Variants in NPAS2 observed in about 807,000 individuals in gnomAD.
The protein encoded by NPAS2 is neuronal PAS domain protein 2.
A neutral mutation model predicts 107.5 loss-of-function variants in NPAS2; 23 were observed. The ratio of observed to expected loss-of-function variants is 0.21; its 90% CI spans 0.15 to 0.30. The LOEUF is 0.30. Among genes scored for constraint, NPAS2 ranks in the 10% least tolerant of loss-of-function variants. The probability of loss-of-function intolerance (pLI) is 1.00; values close to 1 mark genes in which losing one functional copy is unlikely to be tolerated. For synonymous variants in NPAS2, 403 were observed against 417.5 expected, an observed-to-expected ratio of 0.97 and a Z score of 0.42; for missense variants, 756 against 1,043.3, an observed-to-expected ratio of 0.72 and a Z score of 3.79.
intron 1 of NPAS2, among the ~76,000 whole-genome samples, chr2:100,853,674 C>T (rs1678362189): frequency 6.6e-6 from 1 of 152,164 alleles, no homozygotes. Flanking sequence ...TTCTGCTTCT[C>T]AAGGCAGGAT....
rs747918419 is a variant in NPAS2, at chr2:100,968,306, G to A, written c.933G>A (p.Ser311=). 1.7e-5 allele frequency: 27 copies of A among 1,614,104 alleles called. No individual in the cohort carries two copies. Among genetic ancestry groups the A allele is most frequent in the African/African-American group, 2.7e-5 (2 of 75,020 alleles). ...QHLMQFGKGK[S]CCYRFLTKGQ... is the part of the protein sequence containing the mutation. ...TGATGCAGTTTGGCAAAGGGAAGTC[G>A]TGTTGCTACCGGTTTCTGACCAAAG... The change falls in exon 11 of 21, where the codon TCG becomes TCA. Residue 311 remains serine, a synonymous_variant. Transcript: ENST00000335681. The surrounding 1 kb of genome is among the most constrained non-coding windows in gnomAD (Gnocchi z 5.3).
chr2:100,968,838 A>G lies in NPAS2; in HGVS notation c.1055+410A>G, dbSNP rs1454284215. On this transcript the variant is annotated intron_variant, in intron 11 of 20. Coordinates refer to ENST00000335681, the MANE Select transcript of NPAS2 (RefSeq NM_002518.4). This position sits in a 1 kb window ranked among gnomAD's most constrained non-coding sequence, Gnocchi z 5.3. ...TTACCTCTAAATAACTCAAACACATATTCCCCTTTATTTTTAATGCTTTAA... is the reference window on the plus strand; with the variant it reads ...TTACCTCTAAATAACTCAAACACATGTTCCCCTTTATTTTTAATGCTTTAA... Among the ~76,000 whole-genome samples, 1 of 152,176 alleles carries G rather than the reference A, an allele frequency of 6.6e-6. No homozygotes were observed. The highest frequency in any genetic ancestry group is 1.5e-5 in the Non-Finnish European group (1 of 68,028).
At chr2:100,883,312 G>C (rs1680493113) in intron 1 of NPAS2, among the ~76,000 whole-genome samples, 1 of 152,206 alleles carries the variant, frequency 6.6e-6, no homozygotes, top group African/African-American at 2.4e-5. Flanking sequence ...AACTGGGTCA[G>C]AGATGGTGCA....
chr2:100,970,810 T>C (rs1676495058), intron 11 of NPAS2, 180 bp from the exon 12 acceptor site: 2 of 489,570 alleles, frequency 4.1e-6, no homozygotes, highest in South Asian at 7.3e-5. Context: ...AGGTCGAATT[T>C]AAGGCAGAGA....
chr2:100,982,125 G>A lies in NPAS2; in HGVS notation c.1483-106G>A, dbSNP rs143917121. The A allele has an allele frequency of 2.2e-4, 302 of 1,357,192 alleles. 1 individual carries two copies. The East Asian group carries it at 3.6e-3, about 16-fold the overall frequency. 84.1% of individuals were successfully genotyped at this position (1,357,192 alleles called of 1,614,324 possible). On this transcript the variant is annotated intron_variant, in intron 15 of 20. Transcript: ENST00000335681. ...GCTCCTTAGGGATGCTGGGAAAGACGGCTAAGGGACGGAAATGAAGTGTAC... is the reference window on the plus strand; with the variant it reads ...GCTCCTTAGGGATGCTGGGAAAGACAGCTAAGGGACGGAAATGAAGTGTAC...
chr2:100,988,681 G>C (rs959021692), intron 17 of NPAS2: 14 of 319,808 alleles, frequency 4.4e-5, no homozygotes, highest in African/African-American at 2.7e-4. Context: ...ACCCACATGA[G>C]CAGCCACTGC....
At position 100,982,296 on chromosome 2, in the gene NPAS2, G is replaced by T. The variant is rs760955801; in HGVS notation, c.1548G>T (p.Leu516=). The change falls in exon 16 of 21, where the codon CTG becomes CTT. Residue 516 remains leucine, a synonymous_variant. Coordinates refer to ENST00000335681, the MANE Select transcript of NPAS2 (RefSeq NM_002518.4). ...KDQLEQRTRI[L]QANIRWQQEE... ...AGCTAGAGCAGCGGACGCGGATCCT[G>T]CAGGCCAATATCCGGTGGCAACAGG... The T allele has an allele frequency of 6.2e-7, 1 of 1,614,196 alleles. No individual in the cohort carries two copies. The highest frequency in any genetic ancestry group is 8.5e-7 in the Non-Finnish European group (1 of 1,180,032).
At chr2:100,869,975 G>A (rs1438457560) in intron 1 of NPAS2, among the ~76,000 whole-genome samples, 2 of 147,430 alleles carry the variant, frequency 1.4e-5, no homozygotes, top group Non-Finnish European at 3.0e-5. Context: ...CACGATCTTG[G>A]CTCACTGCAA....
chr2:100,926,962 A>G lies in NPAS2; in HGVS notation c.181+1668A>G, dbSNP rs1258011832. Among the ~76,000 whole-genome samples, 4 of 121,344 alleles carry G rather than the reference A, an allele frequency of 3.3e-5. No individual in the cohort carries two copies. In the East Asian group the frequency reaches 8.9e-4, roughly 27 times the overall value. 79.6% of individuals were successfully genotyped at this position (121,344 alleles called of 152,430 possible). ...CTTTCTTTTTTTTTTTTTTTTTGAG[A>G]CAGTCTTGTTCTGTCACCAAGACTG... On this transcript the variant is annotated intron_variant, in intron 3 of 20. Transcript: ENST00000335681.
chr2:100,936,902 A>G (rs2104966977), intron 4 of NPAS2, among the ~76,000 whole-genome samples: 1 of 150,806 alleles, frequency 6.6e-6, no homozygotes, highest in South Asian at 2.1e-4. Flanking sequence ...GAATCGCTTG[A>G]ACCTGGGAAG....
Position 100,937,732 on chromosome 2 carries a change from C to G in NPAS2, c.274-21C>G, listed in dbSNP as rs1684419093. The G allele has an allele frequency of 1.9e-6, 3 of 1,595,952 alleles. No individual in the cohort carries two copies. In the African/African-American group the frequency reaches 4.0e-5, roughly 21 times the overall value. Reference sequence around the variant, plus strand: ...CATAAACGCATTGCTAAGGAGCTTTCAAATGTTGCATTTTCCACAGGCATT... The same window carrying G: ...CATAAACGCATTGCTAAGGAGCTTTGAAATGTTGCATTTTCCACAGGCATT... On this transcript the variant is annotated intron_variant, in intron 4 of 20. Transcript: ENST00000335681.
chr2:100,861,785 C>A (rs1262422359), intron 1 of NPAS2, among the ~76,000 whole-genome samples: 1 of 152,204 alleles, frequency 6.6e-6, no homozygotes, highest in Non-Finnish European at 1.5e-5. Context: ...GGCATTTTCA[C>A]AACAGATATG....
intron 1 of NPAS2, among the ~76,000 whole-genome samples, chr2:100,859,925 T>C (rs1678829609): frequency 6.6e-6 from 1 of 152,228 alleles, no homozygotes; most frequent in Admixed American, 6.5e-5. Flanking sequence ...TGTTTTTTAC[T>C]AAACCATTTG....
rs1255943803 is a variant in NPAS2, at chr2:100,976,766, T to TC, written c.1393-942dup. The stretch of plus-strand genomic sequence containing the variant: ...GCTTGCAAGCTGTGCCTGCCATTCT[T>TC]CCAGACTCTCCTGTCCAGTGTGACT... On this transcript the variant is annotated intron_variant, in intron 14 of 20. Transcript: ENST00000335681. The surrounding 1 kb of genome is among the most constrained non-coding windows in gnomAD (Gnocchi z 4.1). 6.6e-6 allele frequency: 1 copy of TC among 152,234 alleles called. No individual in the cohort carries two copies. Among genetic ancestry groups the TC allele is most frequent in the African/African-American group, 2.4e-5 (1 of 41,442 alleles). 9.4% of individuals were successfully genotyped at this position (152,234 alleles called of 1,614,324 possible).
At chr2:100,935,925 G>C (rs1022630155) in intron 4 of NPAS2, among the ~76,000 whole-genome samples, 6 of 152,080 alleles carry the variant, frequency 3.9e-5, no homozygotes, top group Non-Finnish European at 8.8e-5. Context: ...GTTCTTCGTT[G>C]TGGGGACTCT....
intron 5 of NPAS2, among the ~76,000 whole-genome samples, chr2:100,941,664 C>T (rs904586845): frequency 6.6e-6 from 1 of 152,212 alleles, no homozygotes; most frequent in Admixed American, 6.5e-5. Flanking sequence ...GCAAGACAGA[C>T]GTGCATACAA....
Position 100,956,250 on chromosome 2 carries a change from A to T in NPAS2, c.598+6770A>T, listed in dbSNP as rs532277526. 2.6e-5 allele frequency among the ~76,000 whole-genome samples: 4 copies of T among 152,228 alleles called. No individual in the cohort carries two copies. The South Asian group carries it at 8.3e-4, about 32-fold the overall frequency. ...GGGGGTACATGTGCAGGTCTGTCAC[A>T]TGGGAACCCTGCCTGACGCTGAGGT... On this transcript the variant is annotated intron_variant, in intron 7 of 20. Transcript: ENST00000335681.
At chr2:100,910,326 A>C (rs1682460347) in intron 2 of NPAS2, among the ~76,000 whole-genome samples, 1 of 151,956 alleles carries the variant, frequency 6.6e-6, no homozygotes, top group Non-Finnish European at 1.5e-5. Flanking sequence ...GGGCCCAGAC[A>C]CTTTCTGCTA....
chr2:100,959,742 G>A (rs1047827918), intron 7 of NPAS2, among the ~76,000 whole-genome samples: 1 of 152,142 alleles, frequency 6.6e-6, no homozygotes, highest in Non-Finnish European at 1.5e-5. Context: ...GTTTCGAGAA[G>A]TGCCGAGAAA....
Sources: allele counts gnomAD v4.1 joint callset (sites outside exome capture counted in the v4.1 genomes callset), GRCh38; gene constraint gnomAD v4.1.1; non-coding constraint Gnocchi (gnomAD v3.1); transcripts MANE v1.5; gene names NCBI Gene and HGNC (gene_info 2026-07-23, HGNC 2026-07-21).